PAPOLA: variants seen among roughly 807,000 people sequenced by gnomAD.
PAPOLA encodes poly(A) polymerase alpha, also known as polynucleotide adenylyltransferase alpha.
PAPOLA carries 15 observed loss-of-function variants against 100.6 expected under a neutral mutation model. The observed-to-expected ratio is 0.15, with a 90% CI of 0.10 to 0.23. PAPOLA has a LOEUF of 0.23. Among genes scored for constraint, PAPOLA ranks in the 10% least tolerant of loss-of-function variants. PAPOLA has a pLI of 1.00. For missense variants in PAPOLA, 533 were observed against 884.2 expected, an observed-to-expected ratio of 0.60 and a Z score of 5.04; for synonymous variants, 293 against 300.0, an observed-to-expected ratio of 0.98 and a Z score of 0.24.
intron 21 of PAPOLA, 89 bp downstream of exon 21, chr14:96,562,982 TATTAAA>T (rs1183356042): frequency 4.0e-6 from 3 of 741,958 alleles, no homozygotes; most frequent in Non-Finnish European, 6.9e-6. Flanking sequence ...CATAGAAGAC[TATTAAA>T]ATTAATCTTT....
At chr14:96,534,042 C>G in intron 9 of PAPOLA, 2 of 987,672 alleles carry the variant, frequency 2.0e-6, no homozygotes, top group Non-Finnish European at 2.4e-6. Context: ...TGTCTTACCA[C>G]TTTTAAGTCA....
chr14:96,542,472 A>G (rs779925061), intron 13 of PAPOLA, 176 bp downstream of exon 13: 3 of 560,884 alleles, frequency 5.3e-6, no homozygotes, highest in East Asian at 6.0e-5. Flanking sequence ...TCCATATGCA[A>G]CTTATTTTTT....
chr14:96,527,665 G>T, intron 5 of PAPOLA, 126 bp downstream of exon 5: 3 of 633,442 alleles, frequency 4.7e-6, no homozygotes, highest in Non-Finnish European at 8.4e-6. Flanking sequence ...TAAACACTTG[G>T]CATATGTGTT....
chr14:96,507,280 G>GTTTTTTTTTTTTTTTTTTTTTTTT (rs71103533), intron 1 of PAPOLA, among the ~76,000 whole-genome samples: 6 of 80,704 alleles, frequency 7.4e-5, no homozygotes, highest in African/African-American at 3.4e-4. Context: ...TTGGAAAATA[G>GTTTTTTTTTTTTTTTTTTTTTTTT]TTTTTTTTTT....
At chr14:96,557,138 C>T (rs992733856) in intron 19 of PAPOLA, among the ~76,000 whole-genome samples, 14 of 152,048 alleles carry the variant, frequency 9.2e-5, no homozygotes, top group African/African-American at 2.7e-4. Flanking sequence ...CTCTGCCTCC[C>T]GGGCTCAAGC....
At chr14:96,558,669 A>G (rs907632853) in intron 19 of PAPOLA, among the ~76,000 whole-genome samples, 4 of 152,120 alleles carry the variant, frequency 2.6e-5, no homozygotes, top group African/African-American at 4.8e-5. Flanking sequence ...CTCTCAGCCA[A>G]TCTTTGTAAT....
intron 1 of PAPOLA, among the ~76,000 whole-genome samples, chr14:96,518,872 C>G (rs1055766251): frequency 4.0e-5 from 6 of 151,840 alleles, no homozygotes; most frequent in African/African-American, 1.4e-4. Flanking sequence ...GCCTGGCCAA[C>G]ATGGTGAAAC....
intron 21 of PAPOLA, among the ~76,000 whole-genome samples, chr14:96,564,391 C>A (rs1296075023): frequency 6.6e-6 from 1 of 152,034 alleles, no homozygotes; most frequent in Non-Finnish European, 1.5e-5. Context: ...AAAGATCCAT[C>A]TCTGTATTTT....
At chr14:96,535,619 T>G (rs993261378) in intron 10 of PAPOLA, 17 of 1,086,370 alleles carry the variant, frequency 1.6e-5, no homozygotes, top group Admixed American at 1.5e-4. Flanking sequence ...GCAGAACTTT[T>G]TTGTTGTTGT....
chr14:96,534,416 G>A, intron 9 of PAPOLA, 75 bp from the exon 10 acceptor site: 1 of 1,575,284 alleles, frequency 6.3e-7, no homozygotes, highest in Non-Finnish European at 8.6e-7. Context: ...GTTCACAAAT[G>A]CTGTATGTTT....
intron 6 of PAPOLA, among the ~76,000 whole-genome samples, 193 bp from the exon 7 acceptor site, chr14:96,531,282 C>T (rs1017815025): frequency 6.6e-6 from 1 of 151,522 alleles, no homozygotes; most frequent in East Asian, 1.9e-4. Context: ...ATTACAGGTG[C>T]GAGCCACTGT....
rs74090353 is a variant in PAPOLA, at chr14:96,509,742, A to G, written c.8+7142A>G. Among the ~76,000 whole-genome samples, 1,364 of 152,334 alleles carry G rather than the reference A, an allele frequency of 9.0e-3. 28 individuals carry two copies. Among genetic ancestry groups the G allele is most frequent in the African/African-American group, 0.031 (1,287 of 41,576 alleles). ...GTAACACATTAGGAAGCATTTGTGT[A>G]TCTAAATGTATGTAAACACAAAAGG... On this transcript the variant is annotated intron_variant, in intron 1 of 21. Transcript: ENST00000216277.
chr14:96,542,304 T>C lies in PAPOLA; in HGVS notation c.1169+8T>C. On this transcript the variant is annotated splice_region_variant and intron_variant, in intron 13 of 21. Transcript: ENST00000216277. Reference sequence around the variant, plus strand: ...AAAACAACGCCTGGAATGGTGAGTATAAGAATAGACTTTACAGAAAAAGCA... The same window carrying C: ...AAAACAACGCCTGGAATGGTGAGTACAAGAATAGACTTTACAGAAAAAGCA... The C allele has an allele frequency of 6.4e-7, 1 of 1,568,898 alleles. No homozygotes were observed. Among genetic ancestry groups the C allele is most frequent in the Non-Finnish European group, 8.8e-7 (1 of 1,139,408 alleles).
intron 19 of PAPOLA, among the ~76,000 whole-genome samples, chr14:96,559,855 T>C (rs1901694422): frequency 6.6e-6 from 1 of 151,934 alleles, no homozygotes. Flanking sequence ...TAAGGACTTC[T>C]ATAAAATATA....
At chr14:96,556,562 T>C (rs1444953965) in intron 19 of PAPOLA, 149 bp downstream of exon 19, 1 of 671,138 alleles carries the variant, frequency 1.5e-6, no homozygotes, top group Non-Finnish European at 2.6e-6. Context: ...AGTGCTTTAG[T>C]GCTGTAGTTT....
chr14:96,541,535 ATAGT>A (rs1467875604), intron 12 of PAPOLA, among the ~76,000 whole-genome samples: 1 of 152,178 alleles, frequency 6.6e-6, no homozygotes, highest in African/African-American at 2.4e-5. Context: ...TTAGTTGTAA[ATAGT>A]TTGTTTTAAA....
chr14:96,550,379 C>G (rs1900750227), intron 16 of PAPOLA, among the ~76,000 whole-genome samples: 1 of 152,040 alleles, frequency 6.6e-6, no homozygotes, highest in African/African-American at 2.4e-5. Flanking sequence ...ATATTTGGAA[C>G]CATCTTGTGT....
At chr14:96,516,945 A>G (rs975218528) in intron 1 of PAPOLA, among the ~76,000 whole-genome samples, 1 of 152,180 alleles carries the variant, frequency 6.6e-6, no homozygotes, top group African/African-American at 2.4e-5. Context: ...TTGAGTAAGA[A>G]AAAAATGGGA....
chr14:96,509,441 A>C (rs745581764), intron 1 of PAPOLA, among the ~76,000 whole-genome samples: 1 of 152,240 alleles, frequency 6.6e-6, no homozygotes, highest in Non-Finnish European at 1.5e-5. Context: ...TGTATACAAA[A>C]GTATATAAAC....
Sources: allele counts gnomAD v4.1 joint callset (sites outside exome capture counted in the v4.1 genomes callset), GRCh38; gene constraint gnomAD v4.1.1; transcripts MANE v1.5; gene names NCBI Gene and HGNC (gene_info 2026-07-23, HGNC 2026-07-21).